DCAF8L2: variants seen among roughly 807,000 people sequenced by gnomAD.
DCAF8L2 encodes the protein DDB1 and CUL4 associated factor 8 like 2.
For missense variants in DCAF8L2, 430 were observed against 490.7 expected (o/e 0.88, Z 1.17); for synonymous variants, 200 against 190.9 (o/e 1.05, Z -0.39).
intron 3 of DCAF8L2, among the ~76,000 whole-genome samples, chrX:27,714,729 G>C (rs544335150): frequency 2.6e-4 from 29 of 111,124 alleles, no homozygotes; most frequent in African/African-American, 8.2e-4. Flanking sequence ...TGAATATATT[G>C]ACAGGTCTTT....
the DCAF8L2 span, among the ~76,000 whole-genome samples, chrX:27,502,963 A>G: frequency 8.0e-5 from 9 of 111,948 alleles, no homozygotes; most frequent in Non-Finnish European, 1.3e-4. Flanking sequence ...GTACTTCCAT[A>G]CATTGCATAC....
intron 2 of DCAF8L2, among the ~76,000 whole-genome samples, chrX:27,664,477 T>G (rs1929671103): frequency 8.9e-6 from 1 of 112,037 alleles, no homozygotes; most frequent in African/African-American, 3.2e-5. Context: ...CTCCATAACA[T>G]AAAAGGTGCA....
At chrX:27,590,991 T>TTATATATATATA (rs10571931) in intron 1 of DCAF8L2, among the ~76,000 whole-genome samples, 2,469 of 67,924 alleles carry the variant, frequency 0.036, 82 homozygotes, top group South Asian at 0.057. Context: ...CCTTTACATT[T>TTATATATATATA]TATATATATA....
At chrX:27,596,374 T>C (rs1282182327) in intron 1 of DCAF8L2, among the ~76,000 whole-genome samples, 1 of 111,124 alleles carries the variant, frequency 9.0e-6, no homozygotes, top group Non-Finnish European at 1.9e-5. Flanking sequence ...AATTTACATA[T>C]CGTCTGAATA....
At chrX:27,545,701 G>A in the DCAF8L2 span, among the ~76,000 whole-genome samples, 1 of 111,691 alleles carries the variant, frequency 9.0e-6, no homozygotes, top group Non-Finnish European at 1.9e-5. Flanking sequence ...CTGAGACTGG[G>A]TAATTTATAA....
intron 1 of DCAF8L2, among the ~76,000 whole-genome samples, 192 bp from the exon 2 acceptor site, chrX:27,631,687 A>G (rs1239119324): frequency 3.6e-5 from 4 of 112,080 alleles, no homozygotes; most frequent in African/African-American, 6.5e-5. Context: ...AAGTAGGACA[A>G]TTTTGTAGCA....
the DCAF8L2 span, among the ~76,000 whole-genome samples, chrX:27,509,931 T>G: frequency 9.0e-6 from 1 of 111,555 alleles, no homozygotes; most frequent in East Asian, 2.8e-4. Flanking sequence ...AAACATTGGT[T>G]CAAAAAATAA....
At chrX:27,491,338 G>T in the DCAF8L2 span, among the ~76,000 whole-genome samples, 1 of 111,547 alleles carries the variant, frequency 9.0e-6, no homozygotes. Context: ...TATTCAAGTG[G>T]GGCATTCTTT....
the DCAF8L2 span, among the ~76,000 whole-genome samples, chrX:27,560,488 A>G: frequency 9.0e-6 from 1 of 111,333 alleles, no homozygotes; most frequent in Non-Finnish European, 1.9e-5. Flanking sequence ...GAATTCTCCC[A>G]TGTAGTCATA....
At chrX:27,694,009 C>T (rs979659707) in intron 3 of DCAF8L2, among the ~76,000 whole-genome samples, 2 of 112,052 alleles carry the variant, frequency 1.8e-5, no homozygotes, top group South Asian at 7.4e-4. Context: ...TACATATACA[C>T]CATGGAATAC....
At chrX:27,516,277 T>A in the DCAF8L2 span, among the ~76,000 whole-genome samples, 2 of 111,662 alleles carry the variant, frequency 1.8e-5, no homozygotes, top group Middle Eastern at 4.6e-3. Flanking sequence ...GAAATTAATA[T>A]AAACTAAAAT....
At chrX:27,471,828 AG>A in the DCAF8L2 span, among the ~76,000 whole-genome samples, 20 of 111,878 alleles carry the variant, frequency 1.8e-4, no homozygotes, top group African/African-American at 6.5e-4. Flanking sequence ...AGAAGACAAT[AG>A]GTGTTCAGTG....
chrX:27,587,969 T>G (rs1925935203), upstream of DCAF8L2, among the ~76,000 whole-genome samples: 1 of 28,904 alleles, frequency 3.5e-5, no homozygotes, highest in African/African-American at 1.3e-4. Context: ...ACTTCAGTAC[T>G]TCCATTAAAA....
chrX:27,637,216 G>A (rs1466514888), intron 2 of DCAF8L2, among the ~76,000 whole-genome samples: 1 of 112,020 alleles, frequency 8.9e-6, no homozygotes, highest in Admixed American at 9.5e-5. Context: ...TTTGGTTTAA[G>A]CCAGTTTGTT....
At chrX:27,512,610 G>A in the DCAF8L2 span, among the ~76,000 whole-genome samples, 231 of 104,427 alleles carry the variant, frequency 2.2e-3, no homozygotes, top group Non-Finnish European at 2.8e-3. Flanking sequence ...CTTGAACCTG[G>A]CAGGCGGAAG....
the DCAF8L2 span, among the ~76,000 whole-genome samples, chrX:27,514,123 A>AT: frequency 0.22 from 24,163 of 110,788 alleles, 2,492 homozygotes; most frequent in African/African-American, 0.38. Context: ...AGTAAAGAAA[A>AT]GTGTATATGT....
the DCAF8L2 span, among the ~76,000 whole-genome samples, chrX:27,474,745 T>A: frequency 5.4e-5 from 6 of 111,865 alleles, no homozygotes; most frequent in Admixed American, 5.7e-4. Flanking sequence ...AATGATAGGC[T>A]TTTTGTTCTT....
the DCAF8L2 span, among the ~76,000 whole-genome samples, chrX:27,491,187 C>G: frequency 8.9e-6 from 1 of 112,184 alleles, no homozygotes; most frequent in Non-Finnish European, 1.9e-5. Flanking sequence ...TTGATTTGTA[C>G]TTTTTTGTTT....
chrX:27,497,291 G>A, the DCAF8L2 span, among the ~76,000 whole-genome samples: 516 of 111,309 alleles, frequency 4.6e-3, 2 homozygotes, highest in Middle Eastern at 0.014. Flanking sequence ...TGTACTATAG[G>A]GCTTTTTAAT....
Sources: gnomAD v4.1 joint callset for allele counts (sites outside exome capture counted in the v4.1 genomes callset) on GRCh38, gnomAD v4.1.1 for gene constraint, MANE v1.5 for transcripts, NCBI Gene and HGNC (gene_info 2026-07-23, HGNC 2026-07-21) for gene names.